Variants in IQCM observed in about 807,000 individuals in gnomAD.
IQCM encodes the protein IQ motif containing M.
In IQCM, 45 loss-of-function variants were observed where a neutral mutation model predicts 57.6. The ratio of observed to expected loss-of-function variants is 0.78; its 90% CI spans 0.62 to 1.00. The LOEUF (loss-of-function observed/expected upper bound fraction) is 1.00. IQCM is among the 50% of genes least tolerant of loss of function. The pLI, the probability that IQCM is intolerant of heterozygous loss-of-function variation, is 0.00. For synonymous variants in IQCM, 148 were observed against 158.9 expected (o/e 0.93, Z 0.51); for missense variants, 468 against 511.6 (o/e 0.91, Z 0.82).
At chr4:149,628,645 T>A (rs1199478470) in intron 7 of IQCM, among the ~76,000 whole-genome samples, 2 of 152,162 alleles carry the variant, frequency 1.3e-5, no homozygotes, top group East Asian at 3.8e-4. Context: ...ATGTAATAAT[T>A]TCCTAAGCTG....
rs571396445 is a variant in IQCM at position 149,675,951 on chromosome 4, T to C, written c.565+6167A>G. 6.2e-4 allele frequency among the ~76,000 whole-genome samples: 95 copies of C among 152,176 alleles called. 1 individual carries two copies. The highest frequency in any genetic ancestry group is 3.4e-3 in the Middle Eastern group (1 of 294). ...ACTAAGCCCAGAGCTTTGAAGAGGT[T>C]TGCGCCAGGCCACACAGAGAGTTGG... On this transcript the variant is annotated intron_variant, in intron 7 of 13. Transcript: ENST00000636793.
intron 8 of IQCM, among the ~76,000 whole-genome samples, chr4:149,590,696 G>A (rs1037619189): frequency 1.1e-4 from 16 of 152,132 alleles, no homozygotes; most frequent in Middle Eastern, 6.8e-3. Context: ...GTGAGAACAT[G>A]CGGTGTTTGG....
intron 12 of IQCM, among the ~76,000 whole-genome samples, chr4:149,541,120 C>A (rs1382798317): frequency 6.6e-6 from 1 of 151,976 alleles, no homozygotes; most frequent in Non-Finnish European, 1.5e-5. Context: ...ATATGTTTCC[C>A]ATCTAATAAC....
chr4:149,596,191 G>A (rs533283338), intron 8 of IQCM, among the ~76,000 whole-genome samples: 1 of 152,094 alleles, frequency 6.6e-6, no homozygotes, highest in East Asian at 1.9e-4. Context: ...CCCCTGTAAA[G>A]GTTGGAATCT....
chr4:149,424,843 C>T (rs146697947), intron 13 of IQCM, among the ~76,000 whole-genome samples: 1 of 152,016 alleles, frequency 6.6e-6, no homozygotes, highest in African/African-American at 2.4e-5. Context: ...AATCCATATG[C>T]ATTATTTTCT....
intron 12 of IQCM, among the ~76,000 whole-genome samples, chr4:149,501,567 G>C (rs1342152512): frequency 6.6e-6 from 1 of 152,086 alleles, no homozygotes; most frequent in African/African-American, 2.4e-5. Flanking sequence ...AGGGAAATCT[G>C]CTCAACCATG....
intron 12 of IQCM, among the ~76,000 whole-genome samples, chr4:149,467,550 T>C (rs901416329): frequency 6.6e-6 from 1 of 152,154 alleles, no homozygotes; most frequent in African/African-American, 2.4e-5. Context: ...ATGACATACT[T>C]AATAAAAAGT....
chr4:149,552,205 GC>G (rs1438756818), intron 11 of IQCM, among the ~76,000 whole-genome samples: 15 of 151,984 alleles, frequency 9.9e-5, no homozygotes, highest in Non-Finnish European at 8.8e-5. Context: ...ATATTTTTGA[GC>G]CCTTCTTATA....
intron 9 of IQCM, among the ~76,000 whole-genome samples, chr4:149,578,686 T>C (rs1444824191): frequency 6.6e-6 from 1 of 151,836 alleles, no homozygotes; most frequent in Non-Finnish European, 1.5e-5. Flanking sequence ...ATTATAGGGC[T>C]CCAGAAAATA....
intron 13 of IQCM, among the ~76,000 whole-genome samples, chr4:149,414,607 T>C (rs1374046864): frequency 1.3e-5 from 2 of 152,112 alleles, no homozygotes; most frequent in Non-Finnish European, 2.9e-5. Context: ...TTTTATCTTT[T>C]CCTCTCCCTT....
chr4:149,658,045 T>C (rs1213626821), intron 7 of IQCM, among the ~76,000 whole-genome samples: 1 of 152,124 alleles, frequency 6.6e-6, no homozygotes, highest in Non-Finnish European at 1.5e-5. Flanking sequence ...GGTTTTTTTT[T>C]GCTTTTGTTC....
At chr4:149,628,279 T>C (rs1021993431) in intron 7 of IQCM, among the ~76,000 whole-genome samples, 1 of 151,936 alleles carries the variant, frequency 6.6e-6, no homozygotes, top group South Asian at 2.1e-4. Flanking sequence ...GCCAACTCTT[T>C]GAAATAGAAG....
intron 11 of IQCM, among the ~76,000 whole-genome samples, chr4:149,550,316 C>T (rs953490524): frequency 3.9e-5 from 6 of 152,208 alleles, no homozygotes; most frequent in Non-Finnish European, 7.3e-5. Context: ...TGTCTCCTTT[C>T]TTCATTCCAT....
At chr4:149,734,732 C>A (rs1055322010) in intron 4 of IQCM, among the ~76,000 whole-genome samples, 1 of 152,026 alleles carries the variant, frequency 6.6e-6, no homozygotes, top group African/African-American at 2.4e-5. Flanking sequence ...AATTTGCTAC[C>A]TCCTCTATAG....
chr4:149,442,912 G>A (rs1166959008), intron 12 of IQCM, among the ~76,000 whole-genome samples: 1 of 148,524 alleles, frequency 6.7e-6, no homozygotes, highest in African/African-American at 2.5e-5. Flanking sequence ...AGAACTAGCA[G>A]GCTATCTCTC....
chr4:149,756,933 C>T (rs1769021219), intron 2 of IQCM, among the ~76,000 whole-genome samples: 1 of 152,166 alleles, frequency 6.6e-6, no homozygotes, highest in Non-Finnish European at 1.5e-5. Flanking sequence ...ATAAACCACA[C>T]AGTAATTTTT....
At chr4:149,488,812 G>A (rs1003620789) in intron 12 of IQCM, among the ~76,000 whole-genome samples, 1 of 152,020 alleles carries the variant, frequency 6.6e-6, no homozygotes, top group Non-Finnish European at 1.5e-5. Flanking sequence ...GAAGAGAAAA[G>A]GTAATATTAG....
intron 7 of IQCM, among the ~76,000 whole-genome samples, chr4:149,645,191 A>G (rs754903814): frequency 7.7e-4 from 117 of 152,162 alleles, no homozygotes; most frequent in Non-Finnish European, 2.1e-4. Context: ...AGGTTTTTAA[A>G]AATTGTTGGT....
chr4:149,434,364 C>T (rs989147104), intron 12 of IQCM, among the ~76,000 whole-genome samples: 1 of 152,038 alleles, frequency 6.6e-6, no homozygotes, highest in Non-Finnish European at 1.5e-5. Context: ...CTCTGGTATG[C>T]CCATTGGGCC....
Sources: gnomAD v4.1 joint callset for allele counts (sites outside exome capture counted in the v4.1 genomes callset) on GRCh38, gnomAD v4.1.1 for gene constraint, MANE v1.5 for transcripts, NCBI Gene and HGNC (gene_info 2026-07-23, HGNC 2026-07-21) for gene names.